Variants in KLHL1 observed in about 807,000 individuals in gnomAD.
KLHL1 encodes kelch-like protein 1.
Under a neutral mutation model 77.7 loss-of-function variants are expected in KLHL1, and 47 were observed. The observed-to-expected ratio is 0.60, with a 90% CI of 0.48 to 0.77. KLHL1 has a LOEUF of 0.77. KLHL1 is among the 30% of genes least tolerant of loss of function. The probability of loss-of-function intolerance (pLI) is 0.00; values close to 1 mark genes in which losing one functional copy is unlikely to be tolerated. For missense variants in KLHL1, 925 were observed against 910.8 expected (o/e 1.02, Z -0.20); for synonymous variants, 360 against 325.2 (o/e 1.11, Z -1.15).
chr13:69,782,206 C>G (rs1418285535), intron 7 of KLHL1, among the ~76,000 whole-genome samples: 1 of 152,180 alleles, frequency 6.6e-6, no homozygotes, highest in East Asian at 1.9e-4. Context: ...CGAACAGGAA[C>G]AGCTCCGGTC....
intron 1 of KLHL1, among the ~76,000 whole-genome samples, chr13:69,987,252 A>G (rs1045498159): frequency 1.4e-4 from 21 of 152,140 alleles, no homozygotes; most frequent in African/African-American, 4.1e-4. Flanking sequence ...TAGAGTGAAA[A>G]GGTAGTTACT....
chr13:70,055,820 T>C (rs1234434013), intron 1 of KLHL1, among the ~76,000 whole-genome samples: 1 of 151,556 alleles, frequency 6.6e-6, no homozygotes, highest in Non-Finnish European at 1.5e-5. Context: ...TTACCGCAAG[T>C]GCACAAAAAA....
At chr13:69,882,182 A>G (rs574684676) in intron 5 of KLHL1, 101 bp downstream of exon 5, 1 of 802,652 alleles carries the variant, frequency 1.2e-6, no homozygotes, top group East Asian at 2.5e-5. Context: ...AAAAGCATTT[A>G]AAAATGTGAA....
chr13:70,102,487 T>C (rs1887945094), intron 1 of KLHL1, among the ~76,000 whole-genome samples: 1 of 152,176 alleles, frequency 6.6e-6, no homozygotes, highest in African/African-American at 2.4e-5. Context: ...TATTTAAACA[T>C]TCAAACACAA....
At chr13:69,734,878 G>A (rs1312832963) in intron 8 of KLHL1, among the ~76,000 whole-genome samples, 1 of 152,052 alleles carries the variant, frequency 6.6e-6, no homozygotes, top group Non-Finnish European at 1.5e-5. Flanking sequence ...CACTTCTCAT[G>A]ATTAAAGTCA....
At chr13:69,787,048 T>A (rs1202673957) in intron 7 of KLHL1, among the ~76,000 whole-genome samples, 2 of 152,106 alleles carry the variant, frequency 1.3e-5, no homozygotes, top group African/African-American at 4.8e-5. Context: ...TGCTCATGGG[T>A]AGGAAGAATC....
chr13:69,812,903 G>A (rs1462712195), intron 6 of KLHL1, among the ~76,000 whole-genome samples: 2 of 145,418 alleles, frequency 1.4e-5, no homozygotes, highest in African/African-American at 5.3e-5. Flanking sequence ...AACCATTGTG[G>A]AAGACAGTGT....
intron 1 of KLHL1, among the ~76,000 whole-genome samples, chr13:70,031,231 A>G (rs1223377779): frequency 6.6e-6 from 1 of 152,158 alleles, no homozygotes; most frequent in African/African-American, 2.4e-5. Context: ...CGCAAGGATC[A>G]TTCAGCTTTC....
At chr13:69,780,042 G>T (rs115427824) in intron 7 of KLHL1, among the ~76,000 whole-genome samples, 3 of 151,910 alleles carry the variant, frequency 2.0e-5, no homozygotes, top group African/African-American at 7.3e-5. Flanking sequence ...TCCTGATCTC[G>T]GGTGATCTAC....
At chr13:69,978,401 T>C (rs963128766) in intron 1 of KLHL1, among the ~76,000 whole-genome samples, 12 of 151,826 alleles carry the variant, frequency 7.9e-5, no homozygotes, top group African/African-American at 2.4e-4. Context: ...TGGCTACAGA[T>C]TAATTTAAAT....
intron 1 of KLHL1, among the ~76,000 whole-genome samples, chr13:69,983,056 C>G (rs1276042305): frequency 6.6e-6 from 1 of 151,994 alleles, no homozygotes; most frequent in Non-Finnish European, 1.5e-5. Flanking sequence ...ATTCTTCTAC[C>G]TCAACAGCAA....
intron 1 of KLHL1, among the ~76,000 whole-genome samples, chr13:69,989,377 A>T (rs1884964041): frequency 6.6e-6 from 1 of 151,988 alleles, no homozygotes; most frequent in Non-Finnish European, 1.5e-5. Flanking sequence ...TATGGTTTGA[A>T]GTCAGGAGTC....
Position 70,108,053 on chromosome 13 carries a change from G to C in KLHL1, c.-354C>G, listed in dbSNP as rs114319760. 5,807 of 424,808 alleles carry C rather than the reference G, an allele frequency of 0.014. 122 individuals are homozygous for C. Among genetic ancestry groups the C allele is most frequent in the African/African-American group, 0.065 (3,216 of 49,148 alleles). 26.3% of individuals were successfully genotyped at this position (424,808 alleles called of 1,614,324 possible). A position where few individuals can be genotyped will look rare whatever the true frequency, so the allele number is the denominator to read the frequency against. On this transcript the variant is annotated 5_prime_UTR_variant, in exon 1 of 11. Coordinates refer to ENST00000377844, the MANE Select transcript of KLHL1 (RefSeq NM_020866.3). ...ACCCTTAGGCTGGAGATGCGCGAGGGAGGGAGGTCTGAGCGCTCCGAAGCT... is the reference window on the plus strand; with the variant it reads ...ACCCTTAGGCTGGAGATGCGCGAGGCAGGGAGGTCTGAGCGCTCCGAAGCT...
intron 3 of KLHL1, among the ~76,000 whole-genome samples, chr13:69,958,238 AAAT>A (rs75990668): frequency 2.1e-4 from 32 of 150,220 alleles, no homozygotes; most frequent in Non-Finnish European, 3.6e-4. Flanking sequence ...ACCAGTTACC[AAAT>A]AATAATAATA....
intron 1 of KLHL1, among the ~76,000 whole-genome samples, chr13:70,084,551 C>T (rs1248500864): frequency 1.4e-5 from 2 of 140,608 alleles, no homozygotes; most frequent in African/African-American, 2.6e-5. Flanking sequence ...CTCCACCTTC[C>T]GGGTTCACGC....
At chr13:69,738,048 C>A (rs1490781501) in intron 8 of KLHL1, among the ~76,000 whole-genome samples, 1 of 152,140 alleles carries the variant, frequency 6.6e-6, no homozygotes, top group East Asian at 1.9e-4. Context: ...AAGCTGCCAT[C>A]TTTGCTAGTC....
intron 9 of KLHL1, among the ~76,000 whole-genome samples, chr13:69,717,216 T>A (rs555906756): frequency 1.3e-5 from 2 of 152,178 alleles, no homozygotes; most frequent in African/African-American, 4.8e-5. Context: ...AAACATAGCA[T>A]TGCACACTAT....
At chr13:70,077,653 G>A (rs183789223) in intron 1 of KLHL1, among the ~76,000 whole-genome samples, 2 of 152,082 alleles carry the variant, frequency 1.3e-5, no homozygotes, top group East Asian at 3.9e-4. Flanking sequence ...TCAAAATGAT[G>A]TGTTAATAAT....
intron 6 of KLHL1, among the ~76,000 whole-genome samples, chr13:69,817,999 C>T (rs1878186208): frequency 6.6e-6 from 1 of 152,008 alleles, no homozygotes; most frequent in Admixed American, 6.6e-5. Flanking sequence ...TACTCTGAAC[C>T]ACCCTCAGAA....
Sources: gnomAD v4.1 joint callset for allele counts (sites outside exome capture counted in the v4.1 genomes callset) on GRCh38, gnomAD v4.1.1 for gene constraint, MANE v1.5 for transcripts, NCBI Gene and HGNC (gene_info 2026-07-23, HGNC 2026-07-21) for gene names.